The following ESRRB variants were observed in gnomAD, a reference collection of about 807,000 sequenced individuals.
ESRRB encodes steroid hormone receptor ERR2.
ESRRB carries 16 observed loss-of-function variants against 46.0 expected under a neutral mutation model. That is an observed-to-expected ratio of 0.35 (90% CI 0.24 to 0.53). ESRRB has a LOEUF of 0.53. ESRRB is among the 20% of genes least tolerant of loss of function. The pLI is 0.93. For missense variants in ESRRB, 488 were observed against 607.4 expected, an observed-to-expected ratio of 0.80 and a Z score of 2.07; for synonymous variants, 246 against 259.6, an observed-to-expected ratio of 0.95 and a Z score of 0.50.
At chr14:76,348,548 G>T (rs1035041411) in intron 1 of ESRRB, among the ~76,000 whole-genome samples, 2 of 152,190 alleles carry the variant, frequency 1.3e-5, no homozygotes, top group African/African-American at 4.8e-5. Context: ...AGCCAGTGCA[G>T]TTCCTGAGAA....
intron 1 of ESRRB, among the ~76,000 whole-genome samples, chr14:76,362,998 C>T (rs1231386781): frequency 1.3e-5 from 2 of 152,166 alleles, no homozygotes; most frequent in Non-Finnish European, 2.9e-5. Context: ...AAGCCAAGTG[C>T]CTGGTCATTT....
At chr14:76,423,505 C>A (rs1325233641) in intron 1 of ESRRB, among the ~76,000 whole-genome samples, 1 of 152,076 alleles carries the variant, frequency 6.6e-6, no homozygotes, top group Non-Finnish European at 1.5e-5. Flanking sequence ...AAGGTGGATC[C>A]TTTAAGAACT....
intron 1 of ESRRB, among the ~76,000 whole-genome samples, chr14:76,403,286 G>C (rs1472824322): frequency 6.6e-6 from 1 of 152,182 alleles, no homozygotes; most frequent in Admixed American, 6.5e-5. Flanking sequence ...TTTGAACCTA[G>C]TCCTGTCTGA....
intron 3 of ESRRB, among the ~76,000 whole-genome samples, chr14:76,468,431 A>G (rs1239855200): frequency 2.9e-5 from 3 of 105,148 alleles, no homozygotes; most frequent in Non-Finnish European, 5.5e-5. Context: ...ACGCACACAC[A>G]CACATACCTG....
chr14:76,407,414 T>C (rs1271572370), intron 1 of ESRRB: 9 of 370,450 alleles, frequency 2.4e-5, no homozygotes, highest in African/African-American at 1.3e-4. Context: ...CTCTCCATGT[T>C]TGAGGGCCGA....
chr14:76,481,305 C>T (rs552211179), intron 3 of ESRRB, among the ~76,000 whole-genome samples: 12 of 152,260 alleles, frequency 7.9e-5, no homozygotes, highest in East Asian at 3.9e-4. Context: ...GGCAGGCTTC[C>T]GGAAGGCAAG....
chr14:76,444,299 CTGGGATTATAGGCG>C (rs1272371756), intron 2 of ESRRB, among the ~76,000 whole-genome samples: 1 of 152,156 alleles, frequency 6.6e-6, no homozygotes, highest in Non-Finnish European at 1.5e-5. Context: ...TCCCAAAGTG[CTGGGATTATAGGCG>C]TGAGCCACCA....
At chr14:76,452,626 A>AAAAAACCAAAAAAAAAC (rs1888434537) in intron 2 of ESRRB, among the ~76,000 whole-genome samples, 1 of 124,278 alleles carries the variant, frequency 8.0e-6, no homozygotes, top group South Asian at 2.3e-4. Flanking sequence ...TCTCCAAAAA[A>AAAAAACCAAAAAAAAAC]AAAAACAAAA....
intron 1 of ESRRB, among the ~76,000 whole-genome samples, chr14:76,365,855 ACT>A (rs1884515839): frequency 6.6e-6 from 1 of 152,162 alleles, no homozygotes; most frequent in African/African-American, 2.4e-5. Flanking sequence ...AATTAAAAAC[ACT>A]CTGACTTTTA....
rs1173866747 is a variant in ESRRB at position 76,499,914 on chromosome 14, C to T, written c.*1456C>T. On this transcript the variant is annotated 3_prime_UTR_variant, in exon 7 of 7. Transcript: ENST00000644823. ...TCCCAAGGATGAAAGAATGTCAAGC[C>T]ATGATGGAAAATGCCCCTTCCAATC... is the stretch of plus-strand genomic sequence containing the variant. The T allele has an allele frequency of 1.2e-6, 2 of 1,614,164 alleles. No individual in the cohort carries two copies. The highest frequency in any genetic ancestry group is 1.7e-6 in the Non-Finnish European group (2 of 1,180,020).
chr14:76,325,761 T>C (rs960911305), intron 1 of ESRRB, among the ~76,000 whole-genome samples: 9 of 152,324 alleles, frequency 5.9e-5, no homozygotes, highest in East Asian at 3.9e-4. Context: ...GGATACCTAA[T>C]TCTAGGAACA....
At chr14:76,381,883 C>G (rs943684837) in intron 1 of ESRRB, among the ~76,000 whole-genome samples, 1 of 152,196 alleles carries the variant, frequency 6.6e-6, no homozygotes, top group Non-Finnish European at 1.5e-5. Context: ...CACAAAAACA[C>G]CAGACAAGTG....
At chr14:76,406,931 G>A (rs1460680818) in intron 1 of ESRRB, among the ~76,000 whole-genome samples, 2 of 152,218 alleles carry the variant, frequency 1.3e-5, no homozygotes, top group East Asian at 3.8e-4. Flanking sequence ...TCCGCCTCCT[G>A]CGGGCAGGGA....
At chr14:76,354,773 G>A (rs940656420) in intron 1 of ESRRB, among the ~76,000 whole-genome samples, 1 of 145,420 alleles carries the variant, frequency 6.9e-6, no homozygotes, top group Non-Finnish European at 1.5e-5. Flanking sequence ...GCAATGGCTC[G>A]ATCTCAGCTC....
chr14:76,427,213 C>G (rs929422958), intron 1 of ESRRB, among the ~76,000 whole-genome samples: 3 of 152,114 alleles, frequency 2.0e-5, no homozygotes, highest in Non-Finnish European at 4.4e-5. Context: ...GCCCTGACAC[C>G]AAAAATCTAA....
chr14:76,474,930 A>T (rs1889515957), intron 3 of ESRRB, among the ~76,000 whole-genome samples: 2 of 152,048 alleles, frequency 1.3e-5, no homozygotes, highest in African/African-American at 4.8e-5. Context: ...TCTACCAAAA[A>T]AAAAAAGAAA....
upstream of ESRRB, among the ~76,000 whole-genome samples, chr14:76,374,513 T>C (rs1210852090): frequency 6.6e-6 from 1 of 152,112 alleles, no homozygotes; most frequent in Non-Finnish European, 1.5e-5. Flanking sequence ...TTTTTCCTAA[T>C]TGCAACAACG....
intron 3 of ESRRB, among the ~76,000 whole-genome samples, chr14:76,481,566 C>T (rs1056456220): frequency 7.9e-5 from 12 of 152,164 alleles, no homozygotes; most frequent in African/African-American, 2.2e-4. Context: ...TTGTAATGAG[C>T]GCCTCCTCAG....
At chr14:76,433,902 A>C (rs1887556022) in intron 1 of ESRRB, among the ~76,000 whole-genome samples, 1 of 147,274 alleles carries the variant, frequency 6.8e-6, no homozygotes, top group Non-Finnish European at 1.5e-5. Flanking sequence ...TCCTTTTCCC[A>C]CACCTCTGGT....
Sources: allele counts gnomAD v4.1 joint callset (sites outside exome capture counted in the v4.1 genomes callset), GRCh38; gene constraint gnomAD v4.1.1; transcripts MANE v1.5; gene names NCBI Gene and HGNC (gene_info 2026-07-23, HGNC 2026-07-21).